Variants in UBASH3A observed in about 807,000 individuals in gnomAD.
The protein encoded by UBASH3A is ubiquitin-associated and SH3 domain-containing protein A.
Under a neutral mutation model 73.5 loss-of-function variants are expected in UBASH3A, and 63 were observed. The observed-to-expected ratio is 0.86, with a 90% CI of 0.70 to 1.06. The LOEUF is 1.06. Among genes scored for constraint, UBASH3A ranks in the 50% least tolerant of loss-of-function variants. The pLI is 0.00. For missense variants in UBASH3A, 860 were observed against 859.0 expected, an observed-to-expected ratio of 1.00 and a Z score of -0.02; for synonymous variants, 363 against 351.1, an observed-to-expected ratio of 1.03 and a Z score of -0.38.
intron 11 of UBASH3A, among the ~76,000 whole-genome samples, chr21:42,438,286 T>C (rs2053664250): frequency 6.6e-6 from 1 of 151,654 alleles, no homozygotes; most frequent in Non-Finnish European, 1.5e-5. Context: ...GGAGGGCAAA[T>C]GTGGGGGACA....
Position 42,437,584 on chromosome 21 carries a change from AGT to A in UBASH3A, c.1486+6_1486+7del. Reference sequence around the variant, plus strand: ...ACGGCCAAACTCATCCTGGAAGGTCAGTGAGAACCTCGGTGAGCCTCTCCTAC... The same window carrying A: ...ACGGCCAAACTCATCCTGGAAGGTCAGAGAACCTCGGTGAGCCTCTCCTAC... On this transcript the variant is annotated splice_donor_5th_base_variant and intron_variant, in intron 11 of 14. Transcript: ENST00000319294. The A allele has an allele frequency of 6.2e-7, 1 of 1,613,936 alleles. No individual in the cohort carries two copies. Among genetic ancestry groups the A allele is most frequent in the African/African-American group, 1.3e-5 (1 of 75,046 alleles).
chr21:42,444,765 C>T (rs71320525), intron 14 of UBASH3A, 122 bp downstream of exon 14: 20,288 of 799,792 alleles, frequency 0.025, 308 homozygotes, highest in Middle Eastern at 0.048. Flanking sequence ...CCAGGATCCA[C>T]GTGCCCCCGG....
rs1568913507 is a variant in UBASH3A at position 42,413,628 on chromosome 21, G to A, written c.667+105G>A. ...TAAAATGCTTAGCTATATGCCAACA[G>A]CCTGGGAAAGTGCCCCAGAAGGGTG... is the stretch of plus-strand genomic sequence containing the variant. On this transcript the variant is annotated intron_variant, in intron 5 of 14. Coordinates refer to ENST00000319294, the MANE Select transcript of UBASH3A (RefSeq NM_018961.4). The surrounding 1 kb of genome is among the most constrained non-coding windows in gnomAD (Gnocchi z 4.5). 3.6e-6 allele frequency: 3 copies of A among 837,428 alleles called. No individual in the cohort carries two copies. Among genetic ancestry groups the A allele is most frequent in the East Asian group, 5.3e-5 (2 of 37,674 alleles). The allele number at this position is 837,428 out of a possible 1,614,324, so 51.9% of individuals were successfully genotyped here.
intron 10 of UBASH3A, among the ~76,000 whole-genome samples, chr21:42,435,972 A>G (rs201034803): frequency 4.1e-5 from 4 of 97,040 alleles, no homozygotes; most frequent in Admixed American, 9.9e-5. Flanking sequence ...GAGTCATAGA[A>G]TTATAGAGTT....
At position 42,405,991 on chromosome 21, in the gene UBASH3A, G is replaced by T. The variant is rs542877299; in HGVS notation, c.114-317G>T. 5.4e-5 allele frequency among the ~76,000 whole-genome samples: 8 copies of T among 149,040 alleles called. 1 individual carries two copies. In the South Asian group the frequency reaches 6.4e-4, roughly 12 times the overall value. On this transcript the variant is annotated intron_variant, in intron 1 of 14. Transcript: ENST00000319294. ...CCATTTGATCTAGGCAGTGGGGGGG[G>T]GGGGGGCAGGCCAGGGAGAGGGATT...
intron 5 of UBASH3A, 66 bp from the exon 6 acceptor site, chr21:42,416,376 G>C (rs565490601): frequency 1.4e-6 from 2 of 1,470,166 alleles, no homozygotes; most frequent in Non-Finnish European, 1.8e-6. Context: ...GAAGCATGGA[G>C]GTCGGAGGAA....
At chr21:42,409,886 A>G (rs1328587579) in intron 3 of UBASH3A, among the ~76,000 whole-genome samples, 1 of 151,994 alleles carries the variant, frequency 6.6e-6, no homozygotes, top group Non-Finnish European at 1.5e-5. Context: ...TTTCTCGTTC[A>G]TGTGTCTAGT....
rs759219419 is a variant in UBASH3A at position 42,418,514 on chromosome 21, G to A, written c.951G>A (p.Trp317Ter). 3.1e-6 allele frequency: 5 copies of A among 1,614,230 alleles called. No individual in the cohort carries two copies. Among genetic ancestry groups the A allele is most frequent in the Non-Finnish European group, 4.2e-6 (5 of 1,180,026 alleles). The change falls in exon 7 of 15, where the codon TGG becomes TGA. Residue 317 changes from tryptophan (W) to a stop codon, truncating the protein, a stop_gained. Transcript: ENST00000319294. LOFTEE classifies it high-confidence loss of function. ...PTQQDEASEG[W>*]VIGISQRTGC... is the part of the protein sequence containing the mutation. ...AGCAGGACGAAGCCAGCGAGGGCTG[G>A]GTGATTGGGATCTCACAGCGGACGG...
Position 42,447,381 on chromosome 21 carries a change from C to T in UBASH3A, c.*187C>T, listed in dbSNP as rs1045622316. The T allele has an allele frequency of 6.4e-6, 4 of 621,634 alleles. No individual in the cohort carries two copies. The highest frequency in any genetic ancestry group is 1.1e-5 in the Non-Finnish European group (4 of 380,940). 38.5% of individuals were successfully genotyped at this position (621,634 alleles called of 1,614,324 possible). On this transcript the variant is annotated 3_prime_UTR_variant, in exon 15 of 15. Coordinates refer to ENST00000319294, the MANE Select transcript of UBASH3A (RefSeq NM_018961.4). The stretch of plus-strand genomic sequence containing the variant: ...CGCCTTTGTAACTCCCATCTGTGGA[C>T]CCATCGTCCACCAGCCCAGCTGCGG...
rs762432071 is a variant in UBASH3A, at chr21:42,413,053, C to T, written c.384C>T (p.Tyr128=). The change falls in exon 4 of 15, where the codon TAC becomes TAT. Residue 128 remains tyrosine, a synonymous_variant. Coordinates refer to ENST00000319294, the MANE Select transcript of UBASH3A (RefSeq NM_018961.4). The surrounding 1 kb of genome is among the most constrained non-coding windows in gnomAD (Gnocchi z 4.5). ...AAGACCAGAAGGTGGAATGCCTGTA[C>T]GAGGCGCTGAAGAGAGCTGGAGACA... is the stretch of plus-strand genomic sequence containing the variant. ...TCEDQKVECL[Y]EALKRAGDRL... 52 of 1,614,078 alleles carry T rather than the reference C, an allele frequency of 3.2e-5. No homozygotes were observed. The highest frequency in any genetic ancestry group is 1.6e-4 in the Middle Eastern group (1 of 6,082).
rs139291581 is a variant in UBASH3A, at chr21:42,443,326, T to G, written c.1646T>G (p.Leu549Arg). 98 of 1,613,348 alleles carry G rather than the reference T, an allele frequency of 6.1e-5. No homozygotes were observed. The African/African-American group carries it at 1.1e-3, about 18-fold the overall frequency. ...IDTDYRPAFPLSALMPAESYQ... is the reference protein window; with the variant it reads ...IDTDYRPAFPRSALMPAESYQ... ...CATCCTTCCAGGCCCGCGTTTCCCC[T>G]GTCCGCCCTCATGCCGGCCGAGAGC... The change falls in exon 13 of 15, where the codon CTG (leucine) becomes CGG (arginine). Residue 549 changes from leucine (L) to arginine (R), a missense_variant. Leu to Arg is a moderately radical substitution (Grantham distance 102, BLOSUM62 -2). Transcript: ENST00000319294.
chr21:42,443,738 C>T (rs536960578), intron 13 of UBASH3A, among the ~76,000 whole-genome samples: 1 of 142,630 alleles, frequency 7.0e-6, no homozygotes, highest in East Asian at 2.1e-4. Flanking sequence ...CTGCCCGCCC[C>T]CCACCATTCT....
rs766335143 is a variant in UBASH3A at position 42,413,364 on chromosome 21, G to A, written c.554-46G>A. The A allele has an allele frequency of 1.3e-6, 2 of 1,563,206 alleles. No individual in the cohort carries two copies. Among genetic ancestry groups the A allele is most frequent in the Non-Finnish European group, 8.8e-7 (1 of 1,140,794 alleles). On this transcript the variant is annotated intron_variant, in intron 4 of 14. Coordinates refer to ENST00000319294, the MANE Select transcript of UBASH3A (RefSeq NM_018961.4). The surrounding 1 kb of genome is among the most constrained non-coding windows in gnomAD (Gnocchi z 4.5). ...CCCAGCAGCAATGGTGGGATGGCTG[G>A]GTGGGCTTTCTTCCGGGCTCAGTGG...
chr21:42,412,803 C>T (rs928598501), intron 3 of UBASH3A, among the ~76,000 whole-genome samples: 1 of 152,172 alleles, frequency 6.6e-6, no homozygotes, highest in Admixed American at 6.6e-5. Context: ...AAAGGAGACT[C>T]CAACCTGCAA....
chr21:42,405,270 G>C (rs374731039), intron 1 of UBASH3A, among the ~76,000 whole-genome samples: 1 of 152,182 alleles, frequency 6.6e-6, no homozygotes, highest in South Asian at 2.1e-4. Flanking sequence ...AGGCATTACA[G>C]ACAAGGCAGC....
At chr21:42,423,218 C>G (rs1276938504) in intron 7 of UBASH3A, among the ~76,000 whole-genome samples, 3 of 152,156 alleles carry the variant, frequency 2.0e-5, no homozygotes, top group African/African-American at 7.2e-5. Context: ...ACAGTCATGG[C>G]CATCCCAGAT....
At chr21:42,429,107 C>T (rs1261524572) in intron 8 of UBASH3A, among the ~76,000 whole-genome samples, 2 of 152,136 alleles carry the variant, frequency 1.3e-5, no homozygotes, top group Non-Finnish European at 2.9e-5. Context: ...GCCATGCAGC[C>T]AGAGAGGCAG....
chr21:42,409,401 C>A (rs1413616087), intron 2 of UBASH3A, 21 bp from the exon 3 acceptor site: 13 of 1,523,974 alleles, frequency 8.5e-6, no homozygotes, highest in Non-Finnish European at 1.1e-5. Flanking sequence ...GTGGGTGATG[C>A]CGGCTTGCTC....
rs147273190 is a variant in UBASH3A, at chr21:42,423,163, C to T, written c.1047-3534C>T. 2.5e-3 allele frequency among the ~76,000 whole-genome samples: 381 copies of T among 152,280 alleles called. 1 individual carries two copies. Among genetic ancestry groups the T allele is most frequent in the African/African-American group, 7.8e-3 (325 of 41,532 alleles). ...GGCGTGCGCTGTGAGCTCCCAGCTC[C>T]GAGCTTTCCCACATCCAGTGAGAAA... On this transcript the variant is annotated intron_variant, in intron 7 of 14. Transcript: ENST00000319294.
Sources: gnomAD v4.1 joint callset for allele counts (sites outside exome capture counted in the v4.1 genomes callset) on GRCh38, gnomAD v4.1.1 for gene constraint, Gnocchi (gnomAD v3.1) non-coding constraint, MANE v1.5 for transcripts, NCBI Gene and HGNC (gene_info 2026-07-23, HGNC 2026-07-21) for gene names.